Variants in CBLB observed in about 807,000 individuals in gnomAD.
The protein encoded by CBLB is Cbl proto-oncogene B.
In CBLB, 31 loss-of-function variants were observed where a neutral mutation model predicts 104.9. That is an observed-to-expected ratio of 0.30 (90% CI 0.22 to 0.40). The LOEUF (loss-of-function observed/expected upper bound fraction) is 0.40. Among genes scored for constraint, CBLB ranks in the 10% least tolerant of loss-of-function variants. CBLB has a pLI of 1.00. For synonymous variants in CBLB, 440 were observed against 422.6 expected (o/e 1.04, Z -0.51); for missense variants, 1,062 against 1,214.6 (o/e 0.87, Z 1.87).
chr3:105,702,487 A>AC, intron 11 of CBLB, 28 bp from the exon 12 acceptor site: 3 of 1,473,170 alleles, frequency 2.0e-6, no homozygotes, highest in Middle Eastern at 2.3e-4. Context: ...AAAAAAAAAA[A>AC]AAAAAAAAAA....
intron 10 of CBLB, among the ~76,000 whole-genome samples, chr3:105,708,540 A>C (rs2070567117): frequency 6.6e-6 from 1 of 151,966 alleles, no homozygotes; most frequent in Non-Finnish European, 1.5e-5. Flanking sequence ...GTTATAAAGA[A>C]CAATTTTTTT....
At chr3:105,829,952 G>C (rs1365567135) in intron 3 of CBLB, among the ~76,000 whole-genome samples, 1 of 151,998 alleles carries the variant, frequency 6.6e-6, no homozygotes, top group African/African-American at 2.4e-5. Flanking sequence ...TAATTAGTCA[G>C]CACATGTATA....
intron 3 of CBLB, among the ~76,000 whole-genome samples, chr3:105,780,660 G>GTTT (rs58640968): frequency 0.055 from 5,148 of 93,902 alleles, 671 homozygotes; most frequent in African/African-American, 0.085. Flanking sequence ...TTTGTTTTTT[G>GTTT]TTTTTTTTTT....
intron 3 of CBLB, among the ~76,000 whole-genome samples, chr3:105,835,862 T>C (rs1008352734): frequency 6.6e-6 from 1 of 152,240 alleles, no homozygotes; most frequent in African/African-American, 2.4e-5. Flanking sequence ...CCAGTTATTT[T>C]AATCCCACAT....
At position 105,741,809 on chromosome 3, in the gene CBLB, G is replaced by A. The variant is rs569257706; in HGVS notation, c.846-1178C>T. ...GCTGGGATTACAGGCGTGAGCCACC[G>A]CACCCGGCCAACTGTTAAAAAAATA... On this transcript the variant is annotated intron_variant, in intron 6 of 18. Transcript: ENST00000394030. Among the ~76,000 whole-genome samples, 6 of 152,300 alleles carry A rather than the reference G, an allele frequency of 3.9e-5. No homozygotes were observed. In the South Asian group the frequency reaches 8.3e-4, roughly 21 times the overall value.
intron 18 of CBLB, among the ~76,000 whole-genome samples, chr3:105,665,403 A>AT (rs1491256888): frequency 0.01 from 538 of 52,530 alleles, 4 homozygotes; most frequent in African/African-American, 0.02. Context: ...ATAAATAAAT[A>AT]AATAAATAAA....
Position 105,720,091 on chromosome 3 carries a change from G to C in CBLB, c.1363C>G (p.Arg455Gly). The C allele has an allele frequency of 6.2e-7, 1 of 1,613,902 alleles. No individual in the cohort carries two copies. The highest frequency in any genetic ancestry group is 8.5e-7 in the Non-Finnish European group (1 of 1,179,924). Reference sequence around the variant, plus strand: ...CGATTCATCATCAAGGACTCCTCACGATCATCATCGTCGTCCAAGTCTAGC... The same window carrying C: ...CGATTCATCATCAAGGACTCCTCACCATCATCATCGTCGTCCAAGTCTAGC... Reference protein sequence around the residue: ...PMLDLDDDDDREESLMMNRLA... With the variant: ...PMLDLDDDDDGEESLMMNRLA... The change falls in exon 10 of 19, where the codon CGT becomes GGT. Residue 455 changes from arginine (R) to glycine (G), a missense_variant. By Grantham distance (125) the Arg-to-Gly change is moderately radical (BLOSUM62 -2). Transcript: ENST00000394030.
chr3:105,855,170 T>C (rs953310389), intron 2 of CBLB, among the ~76,000 whole-genome samples: 5 of 152,118 alleles, frequency 3.3e-5, no homozygotes, highest in Non-Finnish European at 7.4e-5. Flanking sequence ...TATTAATATA[T>C]GATCTCATTT....
rs907318240 is a variant in CBLB, at chr3:105,672,184, CTATT to C, written c.2570-1836_2570-1833del. On this transcript the variant is annotated intron_variant, in intron 17 of 18. Transcript: ENST00000394030. ...TACACTTAATGCTATTTCTAATCAT[CTATT>C]TATTTAAGGTTAAAAAGTAAACTCT... 53 of 189,646 alleles carry C rather than the reference CTATT, an allele frequency of 2.8e-4. No individual in the cohort carries two copies. In the Admixed American group the frequency reaches 3.0e-3, roughly 11 times the overall value. The allele number at this position is 189,646 out of a possible 1,614,324, so 11.7% of individuals were successfully genotyped here.
chr3:105,827,147 G>A (rs1418026741), intron 3 of CBLB, among the ~76,000 whole-genome samples: 1 of 152,070 alleles, frequency 6.6e-6, no homozygotes, highest in East Asian at 1.9e-4. Flanking sequence ...TTCTGGCAAA[G>A]GTAGGGTATT....
chr3:105,692,883 G>T (rs1272110658), intron 13 of CBLB, among the ~76,000 whole-genome samples: 1 of 148,434 alleles, frequency 6.7e-6, no homozygotes, highest in East Asian at 2.0e-4. Flanking sequence ...GATATCTAGT[G>T]TGCCTCTGGG....
At chr3:105,720,394 G>A (rs2072627146) in intron 9 of CBLB, 144 bp from the exon 10 acceptor site, 1 of 704,992 alleles carries the variant, frequency 1.4e-6, no homozygotes, top group Non-Finnish European at 2.5e-6. Context: ...TCTTGAAGTG[G>A]TAGTGGGTAT....
intron 3 of CBLB, among the ~76,000 whole-genome samples, chr3:105,778,358 A>G (rs1172918495): frequency 1.3e-5 from 2 of 152,182 alleles, no homozygotes; most frequent in African/African-American, 4.8e-5. Flanking sequence ...CATGTTTTTT[A>G]CCAAGGAGAT....
At chr3:105,678,694 TC>T in intron 16 of CBLB, 123 bp from the exon 17 acceptor site, 1 of 1,127,400 alleles carries the variant, frequency 8.9e-7, no homozygotes, top group Non-Finnish European at 1.3e-6. Flanking sequence ...GCAGGGTTTA[TC>T]CAGCAGTTCA....
chr3:105,788,087 G>T (rs2081229474), intron 3 of CBLB, among the ~76,000 whole-genome samples: 1 of 152,084 alleles, frequency 6.6e-6, no homozygotes, highest in Admixed American at 6.5e-5. Context: ...GTAGACGCAG[G>T]ATAACATCAG....
At chr3:105,716,354 T>C (rs1293281901) in intron 10 of CBLB, among the ~76,000 whole-genome samples, 1 of 152,180 alleles carries the variant, frequency 6.6e-6, no homozygotes, top group Non-Finnish European at 1.5e-5. Context: ...CATTTATTAG[T>C]TCACTTAGTA....
chr3:105,709,156 C>T (rs958142904), intron 10 of CBLB, among the ~76,000 whole-genome samples: 30 of 151,848 alleles, frequency 2.0e-4, no homozygotes, highest in Non-Finnish European at 1.3e-4. Context: ...GGATTATTTG[C>T]TATTATTAGC....
chr3:105,841,333 CAA>C (rs1203259456), intron 3 of CBLB, among the ~76,000 whole-genome samples: 1 of 151,052 alleles, frequency 6.6e-6, no homozygotes, highest in African/African-American at 2.4e-5. Flanking sequence ...GTTCACACCA[CAA>C]AGTTTCCACA....
intron 3 of CBLB, among the ~76,000 whole-genome samples, chr3:105,804,907 T>C (rs1026627841): frequency 1.1e-4 from 17 of 152,134 alleles, no homozygotes; most frequent in Non-Finnish European, 7.4e-5. Flanking sequence ...CCATCTCTAA[T>C]ACCCTCCATA....
Sources: allele counts gnomAD v4.1 joint callset (sites outside exome capture counted in the v4.1 genomes callset), GRCh38; gene constraint gnomAD v4.1.1; transcripts MANE v1.5; gene names NCBI Gene and HGNC (gene_info 2026-07-23, HGNC 2026-07-21).